Variants in C8orf34 observed in about 807,000 individuals in gnomAD.
C8orf34 encodes chromosome 8 open reading frame 34.
Under a neutral mutation model 68.3 loss-of-function variants are expected in C8orf34, and 65 were observed. The observed-to-expected ratio is 0.95, with a 90% CI of 0.78 to 1.17. The LOEUF (loss-of-function observed/expected upper bound fraction) is 1.17. C8orf34 is among the 50% of genes most tolerant of loss of function. C8orf34 has a pLI of 0.00. For missense variants in C8orf34, 664 were observed against 655.4 expected (o/e 1.01, Z -0.14); for synonymous variants, 244 against 241.2 (o/e 1.01, Z -0.11).
rs746894261 is a variant in C8orf34 at position 68,331,134 on chromosome 8, G to GAGCC, written c.128_131dup (p.His44GlnfsTer19). 138 of 1,518,602 alleles carry GAGCC rather than the reference G, an allele frequency of 9.1e-5. No individual in the cohort carries two copies. In the African/African-American group the frequency reaches 1.7e-3, roughly 19 times the overall value. The allele number at this position is 1,518,602 out of a possible 1,614,324, so 94.1% of individuals were successfully genotyped here. On this transcript the variant is annotated frameshift_variant, in exon 1 of 14. Coordinates refer to ENST00000518698, the MANE Select transcript of C8orf34 (RefSeq NM_052958.4). LOFTEE classifies it high-confidence loss of function. ...GCCACCCACGCCCGCGGCCGGGGCC[G>GAGCC]AGCCAGCCACGCAGGGCAGCCGAGG...
chr8:68,539,805 G>A (rs1366507567), intron 7 of C8orf34, among the ~76,000 whole-genome samples: 1 of 151,688 alleles, frequency 6.6e-6, no homozygotes, highest in Non-Finnish European at 1.5e-5. Flanking sequence ...AGTGAGCCGA[G>A]ATTATGCCAT....
chr8:68,749,763 C>T (rs906915369), intron 10 of C8orf34, among the ~76,000 whole-genome samples: 1 of 152,116 alleles, frequency 6.6e-6, no homozygotes, highest in Admixed American at 6.5e-5. Flanking sequence ...CATGTTGCAG[C>T]CATGTTGCAG....
At chr8:68,653,450 G>T (rs918909245) in intron 8 of C8orf34, among the ~76,000 whole-genome samples, 10 of 152,064 alleles carry the variant, frequency 6.6e-5, no homozygotes, top group African/African-American at 2.2e-4. Flanking sequence ...ATCCTGAAAG[G>T]CTCCTGTTTT....
intron 7 of C8orf34, among the ~76,000 whole-genome samples, chr8:68,596,979 A>C (rs79394871): frequency 0.011 from 1,604 of 152,284 alleles, 44 homozygotes; most frequent in African/African-American, 0.037. Flanking sequence ...TTCCATGTAC[A>C]TGCGGTTTCT....
intron 1 of C8orf34, among the ~76,000 whole-genome samples, chr8:68,338,828 T>C (rs1805957330): frequency 6.6e-6 from 1 of 152,152 alleles, no homozygotes; most frequent in South Asian, 2.1e-4. Flanking sequence ...CTGTGAACAG[T>C]GTATAGGAGT....
chr8:68,428,989 T>C (rs963351430), intron 1 of C8orf34, among the ~76,000 whole-genome samples: 2 of 152,142 alleles, frequency 1.3e-5, no homozygotes, highest in African/African-American at 2.4e-5. Context: ...AGTGAAACTT[T>C]AGAAAATAAC....
At chr8:68,587,717 T>G (rs539616841) in intron 7 of C8orf34, among the ~76,000 whole-genome samples, 1 of 152,280 alleles carries the variant, frequency 6.6e-6, no homozygotes, top group East Asian at 1.9e-4. Flanking sequence ...TTGACAAGAT[T>G]TATTTAATAA....
intron 8 of C8orf34, among the ~76,000 whole-genome samples, chr8:68,692,172 G>A (rs1245055883): frequency 6.6e-6 from 1 of 152,046 alleles, no homozygotes; most frequent in Non-Finnish European, 1.5e-5. Flanking sequence ...TGGAATGGCT[G>A]AATGGACAAA....
rs1005607564 is a variant in C8orf34, at chr8:68,443,403, T to G, written c.476-2926T>G. On this transcript the variant is annotated intron_variant, in intron 2 of 13. Transcript: ENST00000518698. ...TTGATTTTGGTGAATCTTTTCTTTG[T>G]TTTTGTTTTTGAGATGGAGTCTCGC... 6.2e-4 allele frequency among the ~76,000 whole-genome samples: 94 copies of G among 152,230 alleles called. 1 individual carries two copies. The highest frequency in any genetic ancestry group is 2.1e-3 in the African/African-American group (88 of 41,544).
intron 7 of C8orf34, among the ~76,000 whole-genome samples, chr8:68,637,161 C>G (rs573752421): frequency 9.8e-5 from 15 of 152,306 alleles, no homozygotes; most frequent in Non-Finnish European, 2.1e-4. Context: ...TTGTTCAACT[C>G]TCTTGCCAAC....
chr8:68,544,968 A>G (rs1815823833), intron 7 of C8orf34, among the ~76,000 whole-genome samples: 1 of 152,188 alleles, frequency 6.6e-6, no homozygotes, highest in African/African-American at 2.4e-5. Flanking sequence ...GGAAAAAAAC[A>G]TTTTAAGAAA....
At chr8:68,752,188 GTTC>G (rs1180027005) in intron 10 of C8orf34, among the ~76,000 whole-genome samples, 3 of 152,192 alleles carry the variant, frequency 2.0e-5, no homozygotes, top group Non-Finnish European at 4.4e-5. Flanking sequence ...AGTTCTTCCA[GTTC>G]TTCCTCATTT....
chr8:68,343,572 A>G (rs972870741), intron 1 of C8orf34, among the ~76,000 whole-genome samples: 5 of 149,640 alleles, frequency 3.3e-5, no homozygotes, highest in Non-Finnish European at 7.4e-5. Flanking sequence ...CTGCAGGCAG[A>G]TGATGCTGTA....
intron 7 of C8orf34, among the ~76,000 whole-genome samples, chr8:68,636,437 T>C (rs1818848249): frequency 6.6e-6 from 1 of 150,978 alleles, no homozygotes; most frequent in Admixed American, 6.6e-5. Context: ...TACAAAAAAT[T>C]AGCCAGGTGT....
intron 3 of C8orf34, among the ~76,000 whole-genome samples, chr8:68,454,097 C>A (rs1811452858): frequency 6.6e-6 from 1 of 151,862 alleles, no homozygotes; most frequent in Admixed American, 6.6e-5. Flanking sequence ...TCTTAAGTAA[C>A]CCTTGAATTC....
intron 8 of C8orf34, among the ~76,000 whole-genome samples, chr8:68,653,836 G>A (rs767919332): frequency 5.9e-5 from 9 of 152,002 alleles, no homozygotes; most frequent in Admixed American, 3.3e-4. Flanking sequence ...CATACATTTC[G>A]TCTATAATAG....
chr8:68,516,011 C>T (rs1444520997), intron 5 of C8orf34, among the ~76,000 whole-genome samples: 1 of 152,106 alleles, frequency 6.6e-6, no homozygotes, highest in Non-Finnish European at 1.5e-5. Context: ...TTATCTATTC[C>T]AAACATCTAA....
At chr8:68,372,034 A>G (rs746748540) in intron 1 of C8orf34, among the ~76,000 whole-genome samples, 2 of 152,232 alleles carry the variant, frequency 1.3e-5, no homozygotes, top group Non-Finnish European at 2.9e-5. Context: ...TTAATGAAGA[A>G]GCCTCTGCAT....
At chr8:68,631,138 T>A (rs1242950621) in intron 7 of C8orf34, among the ~76,000 whole-genome samples, 7 of 151,688 alleles carry the variant, frequency 4.6e-5, no homozygotes, top group Admixed American at 4.6e-4. Context: ...GGTGGTGGCA[T>A]GCACCTGCAG....
Sources: gnomAD v4.1 joint callset for allele counts (sites outside exome capture counted in the v4.1 genomes callset) on GRCh38, gnomAD v4.1.1 for gene constraint, MANE v1.5 for transcripts, NCBI Gene and HGNC (gene_info 2026-07-23, HGNC 2026-07-21) for gene names.